Variants in PLPPR1 observed in about 807,000 individuals in gnomAD.
PLPPR1 encodes the protein phospholipid phosphatase related 1.
In PLPPR1, 10 loss-of-function variants were observed where a neutral mutation model predicts 33.1. The ratio of observed to expected loss-of-function variants is 0.30; its 90% CI spans 0.19 to 0.51. PLPPR1 has a LOEUF of 0.51. Among genes scored for constraint, PLPPR1 ranks in the 20% least tolerant of loss-of-function variants. PLPPR1 has a pLI of 0.97. For missense variants in PLPPR1, 304 were observed against 408.1 expected, an observed-to-expected ratio of 0.74 and a Z score of 2.20; for synonymous variants, 151 against 151.0, an observed-to-expected ratio of 1.00 and a Z score of 0.00.
chr9:101,211,011 C>T (rs1015330363), intron 2 of PLPPR1, among the ~76,000 whole-genome samples: 7 of 152,332 alleles, frequency 4.6e-5, no homozygotes, highest in African/African-American at 1.4e-4. Flanking sequence ...TCACGATCCA[C>T]CTGCCTCGAC....
chr9:101,239,222 T>C lies in PLPPR1; in HGVS notation c.64-30658T>C, dbSNP rs554755740. Reference sequence around the variant, plus strand: ...TCACTTCCATATACTTCCTTTCCTTTGGATGAATACCCAGTAGTGGGATGG... The same window carrying C: ...TCACTTCCATATACTTCCTTTCCTTCGGATGAATACCCAGTAGTGGGATGG... On this transcript the variant is annotated intron_variant, in intron 2 of 7. Transcript: ENST00000374874. 2.6e-5 allele frequency among the ~76,000 whole-genome samples: 4 copies of C among 152,026 alleles called. No individual in the cohort carries two copies. In the South Asian group the frequency reaches 8.3e-4, roughly 32 times the overall value.
intron 1 of PLPPR1, among the ~76,000 whole-genome samples, chr9:101,114,706 G>A (rs1159890621): frequency 6.6e-6 from 1 of 152,190 alleles, no homozygotes; most frequent in Admixed American, 6.5e-5. Flanking sequence ...ACTTTATCTG[G>A]TTCTGGGACA....
At chr9:101,071,605 G>GGA (rs3080736) in intron 1 of PLPPR1, among the ~76,000 whole-genome samples, 4,337 of 148,732 alleles carry the variant, frequency 0.029, 100 homozygotes, top group Non-Finnish European at 0.044. Context: ...GGAGTGAGAA[G>GGA]GAGAGAGAGA....
chr9:101,197,487 GACTC>G (rs1380319205), intron 2 of PLPPR1, among the ~76,000 whole-genome samples: 1 of 152,122 alleles, frequency 6.6e-6, no homozygotes, highest in African/African-American at 2.4e-5. Context: ...TGAACCATCA[GACTC>G]ACTAACTTCT....
At chr9:101,174,249 G>A (rs868544125) in intron 1 of PLPPR1, among the ~76,000 whole-genome samples, 5 of 152,162 alleles carry the variant, frequency 3.3e-5, no homozygotes, top group African/African-American at 9.7e-5. Flanking sequence ...ACAATTTTTG[G>A]TGGGCTTGTT....
intron 4 of PLPPR1, among the ~76,000 whole-genome samples, chr9:101,289,180 C>A (rs1029668735): frequency 1.3e-5 from 2 of 152,130 alleles, no homozygotes; most frequent in African/African-American, 2.4e-5. Flanking sequence ...TCTATTGCTA[C>A]CCCTTCACTT....
At chr9:101,180,133 TATATATATATACACACAC>T (rs1826080444) in intron 1 of PLPPR1, among the ~76,000 whole-genome samples, 6 of 39,678 alleles carry the variant, frequency 1.5e-4, no homozygotes, top group African/African-American at 8.3e-4. Flanking sequence ...TATATATATA[TATATATATATACACACAC>T]ACACACACAC....
At chr9:101,190,440 TG>T (rs1185195654) in intron 2 of PLPPR1, among the ~76,000 whole-genome samples, 1 of 152,186 alleles carries the variant, frequency 6.6e-6, no homozygotes, top group African/African-American at 2.4e-5. Flanking sequence ...TGTTGGGCCA[TG>T]CTTGAAATGT....
chr9:101,192,849 A>G (rs375970549), intron 2 of PLPPR1, among the ~76,000 whole-genome samples: 14 of 152,318 alleles, frequency 9.2e-5, no homozygotes, highest in African/African-American at 1.4e-4. Context: ...TTAAATTGCA[A>G]TGACAAATAT....
intron 4 of PLPPR1, among the ~76,000 whole-genome samples, chr9:101,294,957 T>C (rs1203760439): frequency 4.6e-5 from 7 of 152,046 alleles, no homozygotes; most frequent in South Asian, 2.1e-4. Flanking sequence ...CCAGGGCAAT[T>C]AGGCAGGAGA....
At chr9:101,298,234 G>A (rs188800400) in intron 4 of PLPPR1, among the ~76,000 whole-genome samples, 3 of 152,144 alleles carry the variant, frequency 2.0e-5, no homozygotes, top group Admixed American at 2.0e-4. Context: ...CTTTTCATTT[G>A]GGGTCACACA....
intron 1 of PLPPR1, among the ~76,000 whole-genome samples, chr9:101,127,867 G>T (rs967860136): frequency 6.6e-6 from 1 of 152,162 alleles, no homozygotes; most frequent in Non-Finnish European, 1.5e-5. Flanking sequence ...CCAGGAAGGG[G>T]TGGGGTAAAT....
Position 101,246,055 on chromosome 9 carries a change from AATATATATATATATATATATAT to A in PLPPR1, c.64-23791_64-23770del, listed in dbSNP as rs58070017. ...CATATACCTCTCAAAATTGAATATG[AATATATATATATATATATATAT>A]ATATATATATATATATATATATATA... On this transcript the variant is annotated intron_variant, in intron 2 of 7. Transcript: ENST00000374874. Among the ~76,000 whole-genome samples the A allele has an allele frequency of 8.7e-3, 744 of 85,664 alleles. 19 individuals are homozygous for A. Among genetic ancestry groups the A allele is most frequent in the East Asian group, 0.01 (26 of 2,554 alleles). The allele number at this position is 85,664 out of a possible 152,430, so 56.2% of individuals were successfully genotyped here.
At chr9:101,222,245 A>G (rs1826958433) in intron 2 of PLPPR1, among the ~76,000 whole-genome samples, 1 of 152,182 alleles carries the variant, frequency 6.6e-6, no homozygotes, top group Admixed American at 6.5e-5. Flanking sequence ...GGTGTGTCCT[A>G]GGGGAATTCC....
chr9:101,081,812 A>C (rs780474376), intron 1 of PLPPR1, among the ~76,000 whole-genome samples: 3 of 152,238 alleles, frequency 2.0e-5, no homozygotes, highest in Non-Finnish European at 4.4e-5. Context: ...GAAATGTGTT[A>C]TCAGGGGAAT....
At chr9:101,123,835 TG>T (rs892619012) in intron 1 of PLPPR1, among the ~76,000 whole-genome samples, 14 of 152,158 alleles carry the variant, frequency 9.2e-5, no homozygotes, top group Non-Finnish European at 2.1e-4. Flanking sequence ...TTTTATGCCC[TG>T]GGCTTAGATT....
intron 2 of PLPPR1, among the ~76,000 whole-genome samples, chr9:101,248,555 T>A (rs1476409447): frequency 6.6e-6 from 1 of 151,924 alleles, no homozygotes; most frequent in East Asian, 1.9e-4. Context: ...AGGATAAAAG[T>A]GAGAAAAGGA....
intron 2 of PLPPR1, among the ~76,000 whole-genome samples, chr9:101,189,334 G>A (rs563186097): frequency 2.6e-5 from 4 of 152,246 alleles, no homozygotes; most frequent in African/African-American, 9.6e-5. Flanking sequence ...GGTTTGATAA[G>A]AGGTTATGGA....
In PLPPR1 at chr9:101,030,339, G is replaced by T. The variant is rs565877650; in HGVS notation, c.-46+1237G>T. On this transcript the variant is annotated intron_variant, in intron 1 of 7. Coordinates refer to ENST00000374874, the MANE Select transcript of PLPPR1 (RefSeq NM_207299.2). The stretch of plus-strand genomic sequence containing the variant: ...AAGGCAGGAAGAGGTTGACTGGAGG[G>T]GACGTACACTACAGCCTTCACTGAA... 8.0e-5 allele frequency among the ~76,000 whole-genome samples: 12 copies of T among 150,836 alleles called. No individual in the cohort carries two copies. In the South Asian group the frequency reaches 2.5e-3, roughly 32 times the overall value.
Sources: gnomAD v4.1 joint callset for allele counts (sites outside exome capture counted in the v4.1 genomes callset) on GRCh38, gnomAD v4.1.1 for gene constraint, MANE v1.5 for transcripts, NCBI Gene and HGNC (gene_info 2026-07-23, HGNC 2026-07-21) for gene names.